The following SRGAP2B variants were observed in gnomAD, a reference collection of about 807,000 sequenced individuals.
SRGAP2B encodes SLIT-ROBO Rho GTPase-activating protein 2B.
In SRGAP2B, 9 loss-of-function variants were observed where a neutral mutation model predicts 22.2. The ratio of observed to expected loss-of-function variants is 0.41; its 90% confidence interval spans 0.24 to 0.71. SRGAP2B has a LOEUF of 0.71. Ranked by LOEUF, SRGAP2B falls within the 30% of genes least tolerant of loss-of-function variation. The pLI is 0.35. For synonymous variants in SRGAP2B, 36 were observed against 87.4 expected, an observed-to-expected ratio of 0.41 and a Z score of 3.28; for missense variants, 114 against 235.8, an observed-to-expected ratio of 0.48 and a Z score of 3.38.
chr1:144,970,090 GA>G (rs1553612982), intron 3 of SRGAP2B, among the ~76,000 whole-genome samples: 1 of 148,116 alleles, frequency 6.8e-6, no homozygotes, highest in Non-Finnish European at 1.5e-5. Flanking sequence ...TCAGTGTGGC[GA>G]TTCCTCAGGG....
rs797030716 is a variant in SRGAP2B, at chr1:144,956,828, A to T, written c.261-1227T>A. Among the ~76,000 whole-genome samples the T allele has an allele frequency of 2.2e-4, 33 of 148,488 alleles. 1 individual carries two copies. The highest frequency in any genetic ancestry group is 8.1e-4 in the African/African-American group (32 of 39,310). On this transcript the variant is annotated intron_variant, in intron 3 of 9. Transcript: ENST00000612199. ...ACTCAGCATTAACTTAAGCAACAGA[A>T]AGTTCTACATTTGGAAGTTGGATTT...
chr1:144,987,913 T>A (rs1669868155), intron 3 of SRGAP2B, among the ~76,000 whole-genome samples: 1 of 150,992 alleles, frequency 6.6e-6, no homozygotes, highest in Non-Finnish European at 1.5e-5. Flanking sequence ...ACTACTAAGA[T>A]AAGGGCAGAA....
At chr1:144,905,889 T>C in exon 6 of SRGAP2B, 1 of 708,482 alleles carries the variant, frequency 1.4e-6, no homozygotes, top group South Asian at 1.5e-5. Flanking sequence ...TCTTCTTCAC[T>C]GAGCTCCTCC....
intron 4 of SRGAP2B, 99 bp from the exon 5 acceptor site, chr1:144,914,853 C>CAAT (rs1663732634): frequency 3.3e-6 from 2 of 613,108 alleles, no homozygotes; most frequent in Non-Finnish European, 6.0e-6. Flanking sequence ...AACCCAGACT[C>CAAT]AATTAAGGCC....
rs587629914 is a variant in SRGAP2B at position 144,921,171 on chromosome 1, T to C, written c.424-6417A>G. ...TAGAAATGGAATATCTTAAGTTAGT[T>C]TTTTTAGTTTAAGATCAATTTTTTT... On this transcript the variant is annotated intron_variant, in intron 4 of 9. Coordinates refer to ENST00000612199, the Ensembl canonical transcript of SRGAP2B. 8.2e-4 allele frequency among the ~76,000 whole-genome samples: 116 copies of C among 141,380 alleles called. 4 individuals are homozygous for C. In the East Asian group the frequency reaches 0.022, roughly 27 times the overall value. The allele number at this position is 141,380 out of a possible 152,430, so 92.8% of individuals were successfully genotyped here.
At chr1:144,995,669 C>T (rs1401673223) in intron 2 of SRGAP2B, among the ~76,000 whole-genome samples, 1 of 141,870 alleles carries the variant, frequency 7.0e-6, no homozygotes, top group Non-Finnish European at 1.5e-5. Context: ...CCCCAAGAGA[C>T]TGACTTTAGA....
intron 2 of SRGAP2B, among the ~76,000 whole-genome samples, chr1:145,009,046 G>A (rs1189746053): frequency 2.7e-5 from 4 of 146,250 alleles, no homozygotes; most frequent in Non-Finnish European, 4.5e-5. Context: ...GCGTGGTGGC[G>A]GGCGCCTGTA....
At chr1:144,998,753 T>C (rs1449901521) in intron 2 of SRGAP2B, among the ~76,000 whole-genome samples, 1 of 151,064 alleles carries the variant, frequency 6.6e-6, no homozygotes, top group Non-Finnish European at 1.5e-5. Flanking sequence ...CTACTCTCAC[T>C]CTTAGGCGTA....
intron 3 of SRGAP2B, among the ~76,000 whole-genome samples, chr1:144,985,465 T>C (rs1169396141): frequency 6.7e-6 from 1 of 150,202 alleles, no homozygotes; most frequent in Non-Finnish European, 1.5e-5. Flanking sequence ...CAAAACCAAG[T>C]GAGCTATGAC....
chr1:144,970,065 C>T lies in SRGAP2B; in HGVS notation c.261-14464G>A. On this transcript the variant is annotated intron_variant, in intron 3 of 9. Transcript: ENST00000612199. ...CTGTTGGTGGGACTGTAAACTAGTTCAACCATTGTGGAAGTCAGTGTGGCG... is the reference window on the plus strand; with the variant it reads ...CTGTTGGTGGGACTGTAAACTAGTTTAACCATTGTGGAAGTCAGTGTGGCG... 1.3e-5 allele frequency among the ~76,000 whole-genome samples: 2 copies of T among 149,224 alleles called. 1 individual carries two copies. The highest frequency in any genetic ancestry group is 3.0e-5 in the Non-Finnish European group (2 of 67,666).
intron 3 of SRGAP2B, among the ~76,000 whole-genome samples, chr1:144,993,977 T>C (rs1415276782): frequency 3.3e-5 from 5 of 149,998 alleles, no homozygotes; most frequent in Non-Finnish European, 7.4e-5. Context: ...TTTTTTGCAA[T>C]TTTTTTTAAG....
intron 4 of SRGAP2B, among the ~76,000 whole-genome samples, chr1:144,943,811 C>A (rs1553607870): frequency 6.7e-6 from 1 of 149,296 alleles, no homozygotes; most frequent in African/African-American, 2.5e-5. Context: ...GAAAACTATC[C>A]AAATGCCATC....
At chr1:144,942,965 AC>A in intron 4 of SRGAP2B, among the ~76,000 whole-genome samples, 1 of 132,674 alleles carries the variant, frequency 7.5e-6, no homozygotes, top group Non-Finnish European at 1.6e-5. Context: ...TATTAGCATC[AC>A]TATCGGTAGA....
intron 3 of SRGAP2B, among the ~76,000 whole-genome samples, chr1:144,983,318 G>A (rs1553615324): frequency 2.1e-5 from 2 of 96,862 alleles, no homozygotes; most frequent in Non-Finnish European, 3.9e-5. Context: ...CTCCAGGGGA[G>A]GAACCCATCC....
intron 3 of SRGAP2B, among the ~76,000 whole-genome samples, chr1:144,966,604 T>C (rs1338700162): frequency 2.0e-5 from 3 of 146,424 alleles, no homozygotes; most frequent in Non-Finnish European, 2.9e-5. Context: ...AATAGCCAGC[T>C]AACATCATAA....
chr1:145,094,306 A>T (rs1478410722), intron 1 of SRGAP2B, among the ~76,000 whole-genome samples: 1 of 17,616 alleles, frequency 5.7e-5, no homozygotes. Flanking sequence ...GGAGGGACGC[A>T]AGCGGGAGCG....
At chr1:145,064,306 T>C (rs1485453546) in intron 2 of SRGAP2B, among the ~76,000 whole-genome samples, 1 of 147,842 alleles carries the variant, frequency 6.8e-6, no homozygotes, top group Non-Finnish European at 1.5e-5. Flanking sequence ...CTCCCCATAG[T>C]TCAAGAGGCC....
intron 4 of SRGAP2B, among the ~76,000 whole-genome samples, chr1:144,955,201 T>C (rs1443326333): frequency 6.7e-6 from 1 of 150,360 alleles, no homozygotes; most frequent in Non-Finnish European, 1.5e-5. Flanking sequence ...GAATGACTAG[T>C]GGAAAGCCTA....
Position 144,951,152 on chromosome 1 carries a change from GTTTTGTTTTTTGTT to G in SRGAP2B, c.423+4273_423+4286del, listed in dbSNP as rs1172190322. ...CGTGAGCCACCGCTCCCAGCCCTCT[GTTTTGTTTTTTGTT>G]TTTTGTTTTTTGTTTTTTTTTTTTA... On this transcript the variant is annotated intron_variant, in intron 4 of 9. Coordinates refer to ENST00000612199, the Ensembl canonical transcript of SRGAP2B. Among the ~76,000 whole-genome samples, 55 of 150,498 alleles carry G rather than the reference GTTTTGTTTTTTGTT, an allele frequency of 3.7e-4. 1 individual carries two copies. The highest frequency in any genetic ancestry group is 6.7e-4 in the African/African-American group (27 of 40,266).
Sources: gnomAD v4.1 joint callset for allele counts (sites outside exome capture counted in the v4.1 genomes callset) on GRCh38, gnomAD v4.1.1 for gene constraint, MANE v1.5 for transcripts, NCBI Gene and HGNC (gene_info 2026-07-23, HGNC 2026-07-21) for gene names.